Variants in FGGY observed in about 807,000 individuals in gnomAD.
FGGY encodes FGGY carbohydrate kinase domain containing, also known as FGGY carbohydrate kinase domain-containing protein.
In FGGY, 72 loss-of-function variants were observed where a neutral mutation model predicts 71.3. That is an observed-to-expected ratio of 1.01 (90% CI 0.84 to 1.23). The LOEUF (loss-of-function observed/expected upper bound fraction) is 1.23. Among genes scored for constraint, FGGY ranks in the 50% most tolerant of loss-of-function variants. FGGY has a pLI of 0.00. For synonymous variants in FGGY, 251 were observed against 250.3 expected (o/e 1.00, Z -0.02); for missense variants, 668 against 682.3 (o/e 0.98, Z 0.23).
At chr1:59,381,893 G>T (rs2059506182) in intron 5 of FGGY, among the ~76,000 whole-genome samples, 1 of 152,152 alleles carries the variant, frequency 6.6e-6, no homozygotes, top group Admixed American at 6.6e-5. Context: ...AATACTCATT[G>T]AGTGTGAAAT....
At chr1:59,314,724 G>A (rs1438381336) in intron 1 of FGGY, among the ~76,000 whole-genome samples, 1 of 152,188 alleles carries the variant, frequency 6.6e-6, no homozygotes, top group Admixed American at 6.5e-5. Flanking sequence ...CTATTTGTTA[G>A]TCCATTCTTC....
At chr1:59,371,752 A>T (rs561937750) in intron 4 of FGGY, among the ~76,000 whole-genome samples, 15 of 152,192 alleles carry the variant, frequency 9.9e-5, no homozygotes, top group Non-Finnish European at 2.1e-4. Context: ...GGATTAAGAA[A>T]CTCACTCAAA....
intron 1 of FGGY, among the ~76,000 whole-genome samples, chr1:59,310,669 G>T (rs2044151913): frequency 6.6e-6 from 1 of 152,170 alleles, no homozygotes; most frequent in African/African-American, 2.4e-5. Flanking sequence ...GTAGAAGATG[G>T]ACTGACTCTG....
intron 11 of FGGY, among the ~76,000 whole-genome samples, chr1:59,651,964 TCAGCA>T (rs1239931388): frequency 6.6e-6 from 1 of 151,726 alleles, no homozygotes; most frequent in Non-Finnish European, 1.5e-5. Flanking sequence ...ACAAAATCTC[TCAGCA>T]TTTGCTTGTC....
intron 8 of FGGY, among the ~76,000 whole-genome samples, chr1:59,605,851 T>C (rs2096618699): frequency 6.6e-6 from 1 of 152,108 alleles, no homozygotes; most frequent in Non-Finnish European, 1.5e-5. Context: ...ACCAAGCACA[T>C]AGTAAGGGCT....
At chr1:59,301,457 C>G (rs2042724521) in intron 1 of FGGY, among the ~76,000 whole-genome samples, 2 of 152,188 alleles carry the variant, frequency 1.3e-5, no homozygotes, top group South Asian at 4.1e-4. Context: ...TTGCTGTATT[C>G]CACTAGCCAG....
At chr1:59,564,574 C>T (rs1235703597) in intron 8 of FGGY, among the ~76,000 whole-genome samples, 2 of 152,172 alleles carry the variant, frequency 1.3e-5, no homozygotes, top group African/African-American at 4.8e-5. Flanking sequence ...AATCATTAGT[C>T]GTTAGGGAAA....
intron 14 of FGGY, among the ~76,000 whole-genome samples, chr1:59,680,227 A>G (rs2097482633): frequency 6.6e-6 from 1 of 152,014 alleles, no homozygotes. Context: ...TTGCTGCTTA[A>G]GCATGTGTTT....
intron 6 of FGGY, among the ~76,000 whole-genome samples, chr1:59,508,321 T>C (rs773494650): frequency 6.6e-6 from 1 of 152,246 alleles, no homozygotes; most frequent in Non-Finnish European, 1.5e-5. Context: ...ACATGGTAGA[T>C]GGAAATCTAT....
At chr1:59,479,497 G>A (rs2093391868) in intron 6 of FGGY, among the ~76,000 whole-genome samples, 1 of 152,156 alleles carries the variant, frequency 6.6e-6, no homozygotes, top group Non-Finnish European at 1.5e-5. Context: ...ATTAGCCTTG[G>A]AATACAGACT....
At chr1:59,511,540 T>G (rs529400655) in intron 6 of FGGY, among the ~76,000 whole-genome samples, 7 of 152,204 alleles carry the variant, frequency 4.6e-5, no homozygotes, top group Non-Finnish European at 1.0e-4. Context: ...TGGGTTCTTA[T>G]CTTGTCTTCC....
intron 9 of FGGY, among the ~76,000 whole-genome samples, chr1:59,625,658 A>AC (rs958492466): frequency 1.8e-3 from 272 of 149,848 alleles, no homozygotes; most frequent in African/African-American, 5.4e-3. Flanking sequence ...TAACACTCAG[A>AC]CCCCCCCCAT....
chr1:59,383,087 T>TCC lies in FGGY; in HGVS notation c.554+4251_554+4252insCC, dbSNP rs1266538982. On this transcript the variant is annotated intron_variant, in intron 5 of 15. Coordinates refer to ENST00000303721, the MANE Select transcript of FGGY (RefSeq NM_018291.5). ...CCTTCTTTGATTGTCACTCTTTTTG[T>TCC]CTATAGCATGGAGATTGTTATACCT... 3.9e-4 allele frequency among the ~76,000 whole-genome samples: 59 copies of TCC among 152,306 alleles called. No individual in the cohort carries two copies. The East Asian group carries it at 9.3e-3, about 24-fold the overall frequency.
intron 5 of FGGY, among the ~76,000 whole-genome samples, chr1:59,445,164 A>G (rs1053973227): frequency 2.0e-5 from 3 of 152,196 alleles, no homozygotes; most frequent in Non-Finnish European, 4.4e-5. Context: ...GGAGGGAAAT[A>G]AATGGCTCTT....
intron 4 of FGGY, among the ~76,000 whole-genome samples, chr1:59,361,276 G>A (rs2055454866): frequency 6.6e-6 from 1 of 152,198 alleles, no homozygotes. Context: ...AAGGAAAACA[G>A]AGTCACTATT....
intron 9 of FGGY, 127 bp downstream of exon 9, chr1:59,608,037 C>A: frequency 1.5e-6 from 1 of 679,120 alleles, no homozygotes; most frequent in Non-Finnish European, 2.5e-6. Context: ...TGTACTTTCT[C>A]TTAGTGCACA....
intron 4 of FGGY, among the ~76,000 whole-genome samples, chr1:59,351,829 TTGC>T (rs1470751576): frequency 9.2e-5 from 14 of 152,158 alleles, no homozygotes; most frequent in Non-Finnish European, 2.1e-4. Context: ...CACTTCGTTA[TTGC>T]TGTCATTTAT....
chr1:59,374,711 A>G (rs1032922897), intron 4 of FGGY, among the ~76,000 whole-genome samples: 3 of 152,108 alleles, frequency 2.0e-5, no homozygotes, highest in African/African-American at 7.2e-5. Context: ...ACACCATGGA[A>G]TACTATGCAG....
At chr1:59,515,007 G>C (rs2094606898) in intron 7 of FGGY, among the ~76,000 whole-genome samples, 1 of 152,194 alleles carries the variant, frequency 6.6e-6, no homozygotes, top group South Asian at 2.1e-4. Flanking sequence ...GACTTGCCTT[G>C]TCTCTGATGA....
Sources: allele counts gnomAD v4.1 joint callset (sites outside exome capture counted in the v4.1 genomes callset), GRCh38; gene constraint gnomAD v4.1.1; transcripts MANE v1.5; gene names NCBI Gene and HGNC (gene_info 2026-07-23, HGNC 2026-07-21).